The following SCML4 variants were observed in gnomAD, a reference collection of about 807,000 sequenced individuals.
SCML4 encodes the protein Scm polycomb group protein like 4.
In SCML4, 34 loss-of-function variants were observed where a neutral mutation model predicts 41.1. That is an observed-to-expected ratio of 0.83 (90% CI 0.63 to 1.10). The LOEUF is 1.10. Among genes scored for constraint, SCML4 ranks in the 50% least tolerant of loss-of-function variants. The pLI is 0.00. For missense variants in SCML4, 522 were observed against 534.1 expected (o/e 0.98, Z 0.22); for synonymous variants, 214 against 220.9 (o/e 0.97, Z 0.28).
chr6:107,802,761 C>T (rs1783301312), intron 1 of SCML4, among the ~76,000 whole-genome samples: 1 of 148,492 alleles, frequency 6.7e-6, no homozygotes, highest in South Asian at 2.1e-4. Context: ...GTCTCCCTCT[C>T]CCTCTCTTTC....
chr6:107,715,443 T>C (rs1774680550), intron 6 of SCML4, among the ~76,000 whole-genome samples: 1 of 151,386 alleles, frequency 6.6e-6, no homozygotes, highest in Non-Finnish European at 1.5e-5. Flanking sequence ...ATTTGGGTTG[T>C]AATAGCAATA....
At chr6:107,822,243 C>T (rs1226294867) in intron 1 of SCML4, among the ~76,000 whole-genome samples, 2 of 152,070 alleles carry the variant, frequency 1.3e-5, no homozygotes, top group East Asian at 3.8e-4. Context: ...TATAAAAGTT[C>T]TTGCAGCAAG....
At chr6:107,723,873 A>G (rs1434657795) in intron 5 of SCML4, among the ~76,000 whole-genome samples, 1 of 152,208 alleles carries the variant, frequency 6.6e-6, no homozygotes. Context: ...ACTATAGACC[A>G]ATATCTGGTA....
intron 1 of SCML4, among the ~76,000 whole-genome samples, chr6:107,775,146 T>C (rs1429775784): frequency 6.6e-6 from 1 of 152,182 alleles, no homozygotes; most frequent in Non-Finnish European, 1.5e-5. Flanking sequence ...CAGAAGATAA[T>C]GGAGTCACCA....
At chr6:107,803,260 G>GC (rs1783396163) in intron 1 of SCML4, among the ~76,000 whole-genome samples, 1 of 140,310 alleles carries the variant, frequency 7.1e-6, no homozygotes, top group African/African-American at 2.7e-5. Flanking sequence ...GAAGTGAGGA[G>GC]ACCCTCTGCC....
At chr6:107,706,295 C>T (rs984879856) in intron 7 of SCML4, among the ~76,000 whole-genome samples, 4 of 152,144 alleles carry the variant, frequency 2.6e-5, no homozygotes, top group African/African-American at 7.2e-5. Context: ...CCCACTGTCT[C>T]CTCCCACCCT....
At chr6:107,801,640 C>T (rs1353863249) in intron 1 of SCML4, among the ~76,000 whole-genome samples, 1 of 152,166 alleles carries the variant, frequency 6.6e-6, no homozygotes, top group African/African-American at 2.4e-5. Context: ...GCAGAAGCTT[C>T]TAGGTATTCT....
chr6:107,779,212 A>AT (rs895776567), intron 1 of SCML4, among the ~76,000 whole-genome samples: 9 of 149,932 alleles, frequency 6.0e-5, no homozygotes, highest in African/African-American at 2.2e-4. Context: ...AATAAGACAC[A>AT]TCCCCTCAGA....
intron 2 of SCML4, among the ~76,000 whole-genome samples, chr6:107,752,285 G>A (rs1227181453): frequency 6.6e-6 from 1 of 151,962 alleles, no homozygotes; most frequent in Non-Finnish European, 1.5e-5. Flanking sequence ...TGGACATGTC[G>A]AGTTTAAGAT....
chr6:107,775,911 A>C (rs1780903981), intron 1 of SCML4, among the ~76,000 whole-genome samples: 1 of 152,322 alleles, frequency 6.6e-6, no homozygotes, highest in South Asian at 2.1e-4. Flanking sequence ...TTTCACATCA[A>C]GACACGAAAG....
the SCML4 span, among the ~76,000 whole-genome samples, chr6:107,835,025 T>G: frequency 6.6e-6 from 1 of 151,794 alleles, no homozygotes; most frequent in Non-Finnish European, 1.5e-5. Context: ...AGACAAAATA[T>G]AATATATTGC....
At chr6:107,815,358 T>C (rs1331036626) in intron 1 of SCML4, among the ~76,000 whole-genome samples, 2 of 152,222 alleles carry the variant, frequency 1.3e-5, no homozygotes, top group Non-Finnish European at 2.9e-5. Flanking sequence ...CATATAGAAA[T>C]ACCCGGCTTT....
intron 7 of SCML4, among the ~76,000 whole-genome samples, chr6:107,707,076 C>T (rs1204157161): frequency 6.6e-6 from 1 of 152,144 alleles, no homozygotes; most frequent in Non-Finnish European, 1.5e-5. Context: ...TGGCTCACAC[C>T]TGTCATCCCA....
chr6:107,845,853 C>A, the SCML4 span, among the ~76,000 whole-genome samples: 1 of 152,208 alleles, frequency 6.6e-6, no homozygotes, highest in African/African-American at 2.4e-5. Flanking sequence ...GCCCTTGTTT[C>A]TTTCCTCGAC....
intron 1 of SCML4, among the ~76,000 whole-genome samples, chr6:107,781,951 T>C (rs892619380): frequency 6.6e-6 from 1 of 152,198 alleles, no homozygotes; most frequent in African/African-American, 2.4e-5. Flanking sequence ...TCTGAAAGCC[T>C]GTCAAATCCA....
At chr6:107,757,953 C>T (rs1282952582) in intron 2 of SCML4, among the ~76,000 whole-genome samples, 1 of 152,164 alleles carries the variant, frequency 6.6e-6, no homozygotes, top group Non-Finnish European at 1.5e-5. Context: ...ATGATCCCCT[C>T]TGTGAAACAT....
At chr6:107,733,778 T>C (rs1279345198) in intron 5 of SCML4, among the ~76,000 whole-genome samples, 1 of 152,234 alleles carries the variant, frequency 6.6e-6, no homozygotes, top group Non-Finnish European at 1.5e-5. Flanking sequence ...ATCAGAGAAC[T>C]TGGTTTCCAA....
chr6:107,833,615 G>A, the SCML4 span, among the ~76,000 whole-genome samples: 1 of 152,186 alleles, frequency 6.6e-6, no homozygotes, highest in Non-Finnish European at 1.5e-5. Flanking sequence ...GACTAAGTAT[G>A]AAACCCAGAG....
rs192504873 is a variant in SCML4, at chr6:107,812,587, G to A, written c.-60+11539C>T. Among the ~76,000 whole-genome samples the A allele has an allele frequency of 3.4e-3, 525 of 152,262 alleles. 4 individuals carry two copies. The highest frequency in any genetic ancestry group is 0.017 in the East Asian group (88 of 5,184). ...AGCAGATGGCAACCCACACGTGGGG[G>A]GACTTCACCCAATCCATCGAAGGCC... On this transcript the variant is annotated intron_variant, in intron 1 of 7. Coordinates refer to ENST00000369020, the MANE Select transcript of SCML4 (RefSeq NM_198081.5).
Sources: gnomAD v4.1 joint callset for allele counts (sites outside exome capture counted in the v4.1 genomes callset) on GRCh38, gnomAD v4.1.1 for gene constraint, MANE v1.5 for transcripts, NCBI Gene and HGNC (gene_info 2026-07-23, HGNC 2026-07-21) for gene names.